Variants in MCFD2 observed in about 807,000 individuals in gnomAD.
MCFD2 encodes multiple coagulation factor deficiency protein 2.
A neutral mutation model predicts 12.8 loss-of-function variants in MCFD2; 11 were observed. That is an observed-to-expected ratio of 0.86 (90% CI 0.54 to 1.42). The LOEUF (loss-of-function observed/expected upper bound fraction) is 1.42. Among genes scored for constraint, MCFD2 ranks in the 40% most tolerant of loss-of-function variants. The pLI, the probability that MCFD2 is intolerant of heterozygous loss-of-function variation, is 0.00. For synonymous variants in MCFD2, 70 were observed against 68.1 expected (o/e 1.03, Z -0.14); for missense variants, 191 against 178.6 (o/e 1.07, Z -0.40).
intron 3 of MCFD2, among the ~76,000 whole-genome samples, chr2:46,906,721 C>G (rs762821910): frequency 6.6e-6 from 1 of 152,062 alleles, no homozygotes; most frequent in Non-Finnish European, 1.5e-5. Context: ...CTCCTGGGCT[C>G]AAGCGATCCT....
Position 46,905,453 on chromosome 2 carries a change from C to G in MCFD2, c.*10G>C, listed in dbSNP as rs1558460007. Reference sequence around the variant, plus strand: ...CATTTGTATATAACCAGGAGATGGCCAAATAACATCTACTGCAGTGATTTT... The same window carrying G: ...CATTTGTATATAACCAGGAGATGGCGAAATAACATCTACTGCAGTGATTTT... On this transcript the variant is annotated 3_prime_UTR_variant, in exon 4 of 4. Transcript: ENST00000319466. The G allele has an allele frequency of 6.2e-7, 1 of 1,611,956 alleles. No individual in the cohort carries two copies. The highest frequency in any genetic ancestry group is 1.7e-5 in the Admixed American group (1 of 60,016).
chr2:46,934,045 A>G (rs938844351), intron 1 of MCFD2, among the ~76,000 whole-genome samples: 18 of 152,190 alleles, frequency 1.2e-4, no homozygotes, highest in Non-Finnish European at 2.4e-4. Context: ...TAGTATAAGA[A>G]TGATTTGATG....
At position 46,907,851 on chromosome 2, in the gene MCFD2, C is replaced by T. The variant is rs1379217647; in HGVS notation, c.268G>A (p.Gly90Ser). Reference protein sequence around the residue: ...HDYDGNNLLDGLELSTAITHV... With the variant: ...HDYDGNNLLDSLELSTAITHV... The stretch of plus-strand genomic sequence containing the variant: ...GTGATGGCTGTGGAGAGTTCTAAGC[C>T]ATCAAGCAAATTATTGCCATCATAA... The change falls in exon 3 of 4, where the codon GGC (glycine) becomes AGC (serine). Residue 90 changes from glycine (G) to serine (S), a missense_variant. Gly to Ser is a moderately conservative substitution (Grantham distance 56, BLOSUM62 0). Coordinates refer to ENST00000319466, the MANE Select transcript of MCFD2 (RefSeq NM_139279.6). The surrounding 1 kb of genome is among the most constrained non-coding windows in gnomAD (Gnocchi z 4.1). 2 of 1,614,064 alleles carry T rather than the reference C, an allele frequency of 1.2e-6. No homozygotes were observed. Among genetic ancestry groups the T allele is most frequent in the Non-Finnish European group, 1.7e-6 (2 of 1,180,044 alleles).
rs202181589 is a variant in MCFD2 at position 46,937,288 on chromosome 2, GCTC to G, written c.-8+4281_-8+4283del. ...TGCTATTTCTTTTCCCCTACCCTAT[GCTC>G]CTCCATCTCCCTCTGCCCTTTTCTC... is the stretch of plus-strand genomic sequence containing the variant. On this transcript the variant is annotated intron_variant, in intron 1 of 2. Coordinates refer to the MCFD2 transcript ENST00000409147. The surrounding 1 kb of genome is among the most constrained non-coding windows in gnomAD (Gnocchi z 4.0). Among the ~76,000 whole-genome samples the G allele has an allele frequency of 8.8e-3, 1,337 of 151,914 alleles. 9 individuals are homozygous for G. Among genetic ancestry groups the G allele is most frequent in the Non-Finnish European group, 0.014 (933 of 67,972 alleles).
At chr2:46,923,314 C>A (rs1669203050) in intron 1 of MCFD2, among the ~76,000 whole-genome samples, 1 of 152,190 alleles carries the variant, frequency 6.6e-6, no homozygotes, top group African/African-American at 2.4e-5. Flanking sequence ...AGAGTCCCAA[C>A]CTTCTAATCA....
At chr2:46,916,163 T>C, upstream of MCFD2, 1 of 985,486 alleles carries the variant, frequency 1.0e-6, no homozygotes, top group African/African-American at 1.7e-5. Context: ...CCCCCTCCTA[T>C]ACAGGGCTCT....
chr2:46,938,731 A>T (rs749092954), intron 1 of MCFD2, among the ~76,000 whole-genome samples: 6 of 152,058 alleles, frequency 3.9e-5, no homozygotes, highest in Non-Finnish European at 7.4e-5. Context: ...AGCACTTTGG[A>T]GGCTGGGCAG....
intron 1 of MCFD2, among the ~76,000 whole-genome samples, chr2:46,935,860 TGGGA>T (rs1669950104): frequency 6.6e-6 from 1 of 151,848 alleles, no homozygotes; most frequent in Non-Finnish European, 1.5e-5. Flanking sequence ...GAGGCTGAGG[TGGGA>T]GGATTGCTAG....
chr2:46,916,086 C>G (rs1431293782), upstream of MCFD2: 1 of 985,408 alleles, frequency 1.0e-6, no homozygotes, highest in Non-Finnish European at 1.2e-6. Flanking sequence ...GAACGTAGTT[C>G]CACGGGCGAC....
At chr2:46,927,711 G>C (rs1017413093) in intron 1 of MCFD2, among the ~76,000 whole-genome samples, 2 of 151,852 alleles carry the variant, frequency 1.3e-5, no homozygotes, top group African/African-American at 2.4e-5. Flanking sequence ...CTCACAACAG[G>C]AACAGTGGAA....
chr2:46,908,995 T>C lies in MCFD2; in HGVS notation c.149+28A>G. On this transcript the variant is annotated intron_variant, in intron 2 of 3. Coordinates refer to ENST00000319466, the MANE Select transcript of MCFD2 (RefSeq NM_139279.6). The surrounding 1 kb of genome is among the most constrained non-coding windows in gnomAD (Gnocchi z 4.5). ...CAGCTGCAGATGATGGGGAGGCCAC[T>C]GGACCACAGCCCGGGCTGAATACGT... The C allele has an allele frequency of 6.2e-7, 1 of 1,613,642 alleles. No individual in the cohort carries two copies. The highest frequency in any genetic ancestry group is 1.1e-5 in the South Asian group (1 of 91,074).
upstream of MCFD2, among the ~76,000 whole-genome samples, chr2:46,917,999 C>T (rs1172706655): frequency 1.3e-5 from 2 of 152,164 alleles, no homozygotes; most frequent in African/African-American, 4.8e-5. Context: ...GTGAGTTTAC[C>T]TAGTCCTGTG....
upstream of MCFD2, among the ~76,000 whole-genome samples, chr2:46,918,751 G>A (rs1397021580): frequency 6.6e-6 from 1 of 152,200 alleles, no homozygotes; most frequent in Admixed American, 6.5e-5. Context: ...GAAATCTCAC[G>A]AGCAATATGG....
intron 1 of MCFD2, among the ~76,000 whole-genome samples, chr2:46,923,554 C>T (rs1026688994): frequency 2.0e-5 from 3 of 151,980 alleles, no homozygotes; most frequent in African/African-American, 7.2e-5. Context: ...TGTCTCTTTA[C>T]TCTTTTTAAC....
Position 46,932,900 on chromosome 2 carries a change from C to CAAA in MCFD2, c.-8+8669_-8+8671dup, listed in dbSNP as rs34183870. On this transcript the variant is annotated intron_variant, in intron 1 of 2. Coordinates refer to the MCFD2 transcript ENST00000409147. ...TGAGCAACAGAGTGAGACTCCATCT[C>CAAA]AAAAAAAAAAAAAAAAACAGATGGA... Among the ~76,000 whole-genome samples, 121 of 69,392 alleles carry CAAA rather than the reference C, an allele frequency of 1.7e-3. 1 individual carries two copies. The highest frequency in any genetic ancestry group is 4.9e-3 in the African/African-American group (94 of 19,368). 45.5% of individuals were successfully genotyped at this position (69,392 alleles called of 152,430 possible).
Position 46,908,807 on chromosome 2 carries a change from C to G in MCFD2, c.149+216G>C, listed in dbSNP as rs562866989. 25 of 618,094 alleles carry G rather than the reference C, an allele frequency of 4.0e-5. No homozygotes were observed. In the Admixed American group the frequency reaches 6.7e-4, roughly 17 times the overall value. The allele number at this position is 618,094 out of a possible 1,614,324, so 38.3% of individuals were successfully genotyped here. ...AGACCGGATTCAGACAAGTAATGTGCCCCATTTGGGCCTAAAGATCTTCCA... is the reference window on the plus strand; with the variant it reads ...AGACCGGATTCAGACAAGTAATGTGGCCCATTTGGGCCTAAAGATCTTCCA... On this transcript the variant is annotated intron_variant, in intron 2 of 3. Transcript: ENST00000319466. This position sits in a 1 kb window ranked among gnomAD's most constrained non-coding sequence, Gnocchi z 4.5.
chr2:46,926,724 C>T lies in MCFD2; in HGVS notation c.-8+14848G>A, dbSNP rs138004560. 6.4e-3 allele frequency among the ~76,000 whole-genome samples: 976 copies of T among 152,320 alleles called. 7 individuals carry two copies. The highest frequency in any genetic ancestry group is 0.022 in the African/African-American group (923 of 41,566). The stretch of plus-strand genomic sequence containing the variant: ...ATAATTTTTCAAATGCAATGTCCTA[C>T]ACAATTAAAGACAACTAGACATGAG... On this transcript the variant is annotated intron_variant, in intron 1 of 2. Coordinates refer to the MCFD2 transcript ENST00000409147.
chr2:46,911,641 A>G (rs183225720), intron 1 of MCFD2, among the ~76,000 whole-genome samples: 299 of 151,972 alleles, frequency 2.0e-3, no homozygotes, highest in African/African-American at 6.7e-3. Context: ...TGTGATTTTC[A>G]GCCGGCATGG....
intron 1 of MCFD2, among the ~76,000 whole-genome samples, chr2:46,925,073 T>C (rs910453354): frequency 6.6e-5 from 10 of 152,272 alleles, no homozygotes; most frequent in African/African-American, 2.4e-4. Context: ...TCAGTATTTT[T>C]CTGTAATACA....
Sources: allele counts gnomAD v4.1 joint callset (sites outside exome capture counted in the v4.1 genomes callset), GRCh38; gene constraint gnomAD v4.1.1; non-coding constraint Gnocchi (gnomAD v3.1); transcripts MANE v1.5; gene names NCBI Gene and HGNC (gene_info 2026-07-23, HGNC 2026-07-21).